The following IL17B variants were observed in gnomAD, a reference collection of about 807,000 sequenced individuals.
IL17B encodes the protein interleukin 17B, also known as interleukin-17B.
IL17B carries 14 observed loss-of-function variants against 14.7 expected under a neutral mutation model. The ratio of observed to expected loss-of-function variants is 0.95; its 90% CI spans 0.63 to 1.49. The LOEUF (loss-of-function observed/expected upper bound fraction) is 1.49, where lower values mean the gene tolerates loss of function less well. Ranked by LOEUF, IL17B falls within the 40% of genes most tolerant of loss-of-function variation. IL17B has a pLI of 0.00. For missense variants in IL17B, 233 were observed against 252.8 expected (o/e 0.92, Z 0.53); for synonymous variants, 105 against 94.8 (o/e 1.11, Z -0.62).
chr5:149,384,892 G>A (rs1758789558), intron 1 of IL17B, among the ~76,000 whole-genome samples: 1 of 151,592 alleles, frequency 6.6e-6, no homozygotes, highest in Non-Finnish European at 1.5e-5. Flanking sequence ...GTGTTGTGGG[G>A]TGGAGGGGTT....
At chr5:149,399,253 C>A (rs1327966332) in intron 1 of IL17B, among the ~76,000 whole-genome samples, 1 of 152,166 alleles carries the variant, frequency 6.6e-6, no homozygotes. Flanking sequence ...CAGAGAGTAG[C>A]AACCCTGTTC....
intron 1 of IL17B, among the ~76,000 whole-genome samples, chr5:149,394,485 A>G (rs969485877): frequency 6.6e-6 from 1 of 152,250 alleles, no homozygotes; most frequent in Admixed American, 6.5e-5. Context: ...TACACGCATT[A>G]TGCTTACAAA....
chr5:149,386,008 C>CT (rs749925049), intron 1 of IL17B, among the ~76,000 whole-genome samples: 29 of 152,164 alleles, frequency 1.9e-4, no homozygotes, highest in Non-Finnish European at 3.7e-4. Context: ...GAAAGGACTT[C>CT]TTTTGCAGGT....
upstream of IL17B, among the ~76,000 whole-genome samples, chr5:149,383,788 C>T (rs547449392): frequency 2.0e-5 from 3 of 152,354 alleles, no homozygotes; most frequent in East Asian, 5.8e-4. Context: ...ACATGACCCT[C>T]TGCCCAGGCC....
intron 1 of IL17B, among the ~76,000 whole-genome samples, chr5:149,384,558 G>A (rs1397009788): frequency 2.6e-5 from 4 of 152,202 alleles, no homozygotes; most frequent in Admixed American, 6.5e-5. Context: ...TCCCTGCTAT[G>A]TAGCAGCTAA....
At chr5:149,384,920 T>G (rs2127619622) in intron 1 of IL17B, among the ~76,000 whole-genome samples, 1 of 150,318 alleles carries the variant, frequency 6.7e-6, no homozygotes, top group South Asian at 2.1e-4. Flanking sequence ...TTTTTTTTTT[T>G]TTTTTTGAGA....
At chr5:149,396,103 C>G (rs560661224) in intron 1 of IL17B, among the ~76,000 whole-genome samples, 79 of 152,222 alleles carry the variant, frequency 5.2e-4, no homozygotes, top group Non-Finnish European at 1.0e-3. Flanking sequence ...AAAAAATAAA[C>G]TGCATTGCTA....
At chr5:149,401,994 G>A (rs1241629852) in intron 1 of IL17B, among the ~76,000 whole-genome samples, 2 of 152,106 alleles carry the variant, frequency 1.3e-5, no homozygotes, top group African/African-American at 2.4e-5. Flanking sequence ...AGTGTGGCCC[G>A]GTTTTCCTTG....
At chr5:149,386,710 T>G (rs1195450345) in intron 1 of IL17B, among the ~76,000 whole-genome samples, 1 of 152,182 alleles carries the variant, frequency 6.6e-6, no homozygotes, top group Non-Finnish European at 1.5e-5. Flanking sequence ...GCACTGGGGA[T>G]ATAGTGGTGA....
At chr5:149,387,534 C>T (rs996185145) in intron 1 of IL17B, among the ~76,000 whole-genome samples, 2 of 151,944 alleles carry the variant, frequency 1.3e-5, no homozygotes, top group African/African-American at 4.8e-5. Context: ...TTTGAGAGGC[C>T]GAGGCAGGAG....
At chr5:149,377,154 C>G (rs944612286) in intron 1 of IL17B, 129 bp from the exon 2 acceptor site, 3 of 701,530 alleles carry the variant, frequency 4.3e-6, no homozygotes, top group Non-Finnish European at 6.9e-6. Context: ...TGCCTACCAT[C>G]CCCCAGCTCT....
intron 1 of IL17B, among the ~76,000 whole-genome samples, chr5:149,400,500 C>T (rs188624632): frequency 2.9e-4 from 44 of 152,340 alleles, no homozygotes; most frequent in Non-Finnish European, 2.6e-4. Flanking sequence ...CTGACACAAC[C>T]GGTCGCTGGC....
intron 1 of IL17B, among the ~76,000 whole-genome samples, chr5:149,390,217 A>ACC (rs369377689): frequency 1.1e-3 from 139 of 130,686 alleles, no homozygotes; most frequent in African/African-American, 2.9e-3. Context: ...GGTATTAGTG[A>ACC]CCCCCCCCCT....
chr5:149,403,733 C>A (rs1581400372), intron 1 of IL17B, among the ~76,000 whole-genome samples: 1 of 152,278 alleles, frequency 6.6e-6, no homozygotes, highest in Admixed American at 6.5e-5. Context: ...TGGGAAGGGA[C>A]TTGCCAAGTT....
chr5:149,376,640 A>G, intron 2 of IL17B, 96 bp downstream of exon 2: 15 of 1,482,814 alleles, frequency 1.0e-5, no homozygotes, highest in Non-Finnish European at 1.4e-5. Context: ...CCAAGCACCC[A>G]GACCTCTGAA....
intron 1 of IL17B, among the ~76,000 whole-genome samples, chr5:149,395,152 A>G (rs1447676480): frequency 6.6e-6 from 1 of 152,084 alleles, no homozygotes; most frequent in Non-Finnish European, 1.5e-5. Context: ...ACTTAAGATA[A>G]TGACCTCCAG....
Position 149,374,483 on chromosome 5 carries a change from C to A in IL17B, c.429G>T (p.Val143=). 6.2e-7 allele frequency: 1 copy of A among 1,612,900 alleles called. No individual in the cohort carries two copies. The highest frequency in any genetic ancestry group is 8.5e-7 in the Non-Finnish European group (1 of 1,179,920). The part of the protein sequence containing the change: ...QEDRSMVSVP[V]FSQVPVRRRL... ...GGCGGCGCACAGGAACCTGGCTGAA[C>A]ACCGGCACGCTCACCATGCTGCGGT... The change falls in exon 3 of 3, where the codon GTG becomes GTT. Residue 143 remains valine, a synonymous_variant. Transcript: ENST00000261796. The surrounding 1 kb of genome is among the most constrained non-coding windows in gnomAD (Gnocchi z 5.0).
At chr5:149,395,170 C>G (rs1263588470) in intron 1 of IL17B, among the ~76,000 whole-genome samples, 1 of 152,144 alleles carries the variant, frequency 6.6e-6, no homozygotes, top group Non-Finnish European at 1.5e-5. Context: ...CAGCTTCCAT[C>G]CATGATGCTG....
chr5:149,391,845 C>G (rs2127621236), intron 1 of IL17B, among the ~76,000 whole-genome samples: 1 of 152,348 alleles, frequency 6.6e-6, no homozygotes, highest in South Asian at 2.1e-4. Context: ...CTAAAGGTCA[C>G]TGTCGTGACC....
Sources: allele counts gnomAD v4.1 joint callset (sites outside exome capture counted in the v4.1 genomes callset), GRCh38; gene constraint gnomAD v4.1.1; non-coding constraint Gnocchi (gnomAD v3.1); transcripts MANE v1.5; gene names NCBI Gene and HGNC (gene_info 2026-07-23, HGNC 2026-07-21).